FGD5: variants seen among roughly 807,000 people sequenced by gnomAD.
The protein encoded by FGD5 is FYVE, RhoGEF and PH domain-containing protein 5.
A neutral mutation model predicts 133.4 loss-of-function variants in FGD5; 28 were observed. The ratio of observed to expected loss-of-function variants is 0.21; its 90% CI spans 0.16 to 0.29. The LOEUF (loss-of-function observed/expected upper bound fraction) is 0.29. Ranked by LOEUF, FGD5 falls within the 10% of genes least tolerant of loss-of-function variation. The pLI is 1.00. For missense variants in FGD5, 1,858 were observed against 1,895.2 expected, an observed-to-expected ratio of 0.98 and a Z score of 0.36; for synonymous variants, 810 against 776.5, an observed-to-expected ratio of 1.04 and a Z score of -0.72.
chr3:14,840,638 A>G (rs934617920), intron 1 of FGD5, among the ~76,000 whole-genome samples: 1 of 152,186 alleles, frequency 6.6e-6, no homozygotes, highest in Non-Finnish European at 1.5e-5. Context: ...ATTGGTAGAT[A>G]TTGAGTTATT....
At chr3:14,892,819 CAAAAA>C (rs11297152) in intron 4 of FGD5, among the ~76,000 whole-genome samples, 2 of 146,834 alleles carry the variant, frequency 1.4e-5, no homozygotes, top group Non-Finnish European at 3.0e-5. Context: ...AAATCCATCT[CAAAAA>C]AAAAAAAGAA....
intron 2 of FGD5, among the ~76,000 whole-genome samples, chr3:14,878,412 T>G (rs938371539): frequency 6.6e-6 from 1 of 152,182 alleles, no homozygotes; most frequent in Admixed American, 6.5e-5. Flanking sequence ...CCTTACTCGA[T>G]TCTATAAATT....
intron 12 of FGD5, 86 bp from the exon 13 acceptor site, chr3:14,918,668 C>T: frequency 7.4e-7 from 1 of 1,345,442 alleles, no homozygotes; most frequent in Non-Finnish European, 1.1e-6. Flanking sequence ...GGACATGGTC[C>T]CTCTGTTCAT....
intron 1 of FGD5, among the ~76,000 whole-genome samples, chr3:14,840,723 T>C (rs952252045): frequency 2.0e-5 from 3 of 152,180 alleles, no homozygotes; most frequent in African/African-American, 7.2e-5. Context: ...TGAACATATC[T>C]GGAGGTAAAA....
At chr3:14,911,459 C>T (rs1269616855) in intron 11 of FGD5, among the ~76,000 whole-genome samples, 2 of 152,094 alleles carry the variant, frequency 1.3e-5, no homozygotes, top group Admixed American at 1.3e-4. Flanking sequence ...TCCAAGTGGC[C>T]ATGCCTTTTA....
intron 4 of FGD5, among the ~76,000 whole-genome samples, chr3:14,883,425 G>A (rs1314109678): frequency 6.6e-6 from 1 of 152,118 alleles, no homozygotes; most frequent in Non-Finnish European, 1.5e-5. Flanking sequence ...TAGCCAGCCA[G>A]CCTTTCACCC....
In FGD5 at chr3:14,922,508, C is replaced by A. The variant is rs1413190897; in HGVS notation, c.3767C>A (p.Ser1256Tyr). The A allele has an allele frequency of 2.5e-6, 4 of 1,582,896 alleles. No homozygotes were observed. In the East Asian group the frequency reaches 9.3e-5, roughly 37 times the overall value. Residue 1256 changes from serine (S) to tyrosine (Y), a missense_variant, in exon 15 of 20, where the codon TCC (serine) becomes TAC (tyrosine). Physicochemically the swap from Ser to Tyr is moderately radical, Grantham distance 144. Around this residue, in one of 3 missense-constraint regions of FGD5, gnomAD observed 1,824 missense variants for 1,848.9 expected, o/e 0.99. Coordinates refer to ENST00000285046, the MANE Select transcript of FGD5 (RefSeq NM_152536.4). The surrounding 1 kb of genome is among the most constrained non-coding windows in gnomAD (Gnocchi z 4.1). ...TGCATGAACTGCGGCTGCGACTTCT[C>A]CCTCACCCTGCGGCGTCATCACTGT... ...MMCMNCGCDFSLTLRRHHCHA... is the reference protein window; with the variant it reads ...MMCMNCGCDFYLTLRRHHCHA...
intron 2 of FGD5, among the ~76,000 whole-genome samples, chr3:14,874,900 C>G (rs1213230245): frequency 6.6e-6 from 1 of 152,202 alleles, no homozygotes; most frequent in Non-Finnish European, 1.5e-5. Context: ...CCTGGGGAAG[C>G]CAGGGGGCCA....
At chr3:14,846,406 G>A (rs745797324) in intron 1 of FGD5, among the ~76,000 whole-genome samples, 1 of 152,154 alleles carries the variant, frequency 6.6e-6, no homozygotes, top group South Asian at 2.1e-4. Context: ...TATTGTCGTG[G>A]TCTCTGTCCT....
At chr3:14,830,211 G>A (rs1384643390) in intron 1 of FGD5, among the ~76,000 whole-genome samples, 1 of 152,216 alleles carries the variant, frequency 6.6e-6, no homozygotes, top group Non-Finnish European at 1.5e-5. Flanking sequence ...ACCTAGAAAT[G>A]CCATGAAAAT....
At chr3:14,836,320 C>T (rs1265280831) in intron 1 of FGD5, among the ~76,000 whole-genome samples, 1 of 152,192 alleles carries the variant, frequency 6.6e-6, no homozygotes, top group Non-Finnish European at 1.5e-5. Flanking sequence ...TGGTTCAAGC[C>T]CAAGTTTGCT....
At chr3:14,838,983 A>G (rs1204456257) in intron 1 of FGD5, among the ~76,000 whole-genome samples, 2 of 152,206 alleles carry the variant, frequency 1.3e-5, no homozygotes, top group African/African-American at 4.8e-5. Flanking sequence ...AGGAATACAC[A>G]GTTGCACAGC....
At chr3:14,838,352 C>T (rs1048951874) in intron 1 of FGD5, among the ~76,000 whole-genome samples, 14 of 152,156 alleles carry the variant, frequency 9.2e-5, no homozygotes, top group African/African-American at 2.2e-4. Flanking sequence ...GTAATCTCCA[C>T]GTTATAACCT....
chr3:14,821,457 AGGGCTG>A lies in FGD5; in HGVS notation c.2388_2393del (p.Arg796_Gly798delinsSer). On this transcript the variant is annotated inframe_deletion, in exon 1 of 20. Transcript: ENST00000285046. ...CCAGATTCCACCCCGGAGACCTGCC[AGGGCTG>A]GCGCGTTCACGAAGCTGTTTGAAGA... 6.2e-7 allele frequency: 1 copy of A among 1,614,040 alleles called. No individual in the cohort carries two copies. The highest frequency in any genetic ancestry group is 8.5e-7 in the Non-Finnish European group (1 of 1,179,900).
chr3:14,901,128 C>T lies in FGD5; in HGVS notation c.3264+67C>T, dbSNP rs113965484. On this transcript the variant is annotated intron_variant, in intron 9 of 19. Transcript: ENST00000285046. ...CAGGCACCTCCCCACCAGCTCCGGT[C>T]AGCCTTCTGATGCCCCACTCCTAGG... 5.7e-5 allele frequency: 88 copies of T among 1,553,686 alleles called. No homozygotes were observed. In the African/African-American group the frequency reaches 7.3e-4, roughly 13 times the overall value.
chr3:14,932,494 C>T, intron 18 of FGD5, 83 bp from the exon 19 acceptor site: 2 of 1,476,844 alleles, frequency 1.4e-6, no homozygotes, highest in Non-Finnish European at 1.8e-6. Flanking sequence ...AGGCACTCTT[C>T]ACGCATCTCA....
Position 14,819,805 on chromosome 3 carries a change from A to T in FGD5, c.734A>T (p.Asp245Val). 6.3e-7 allele frequency: 1 copy of T among 1,587,176 alleles called. No individual in the cohort carries two copies. The highest frequency in any genetic ancestry group is 8.6e-7 in the Non-Finnish European group (1 of 1,166,908). Residue 245 changes from aspartate (D) to valine (V), a missense_variant, in exon 1 of 20, where the codon GAT (aspartate) becomes GTT (valine). Physicochemically the swap from Asp to Val is radical, Grantham distance 152. Coordinates refer to ENST00000285046, the MANE Select transcript of FGD5 (RefSeq NM_152536.4). This position sits in a 1 kb window ranked among gnomAD's most constrained non-coding sequence, Gnocchi z 4.1. The stretch of plus-strand genomic sequence containing the variant: ...AGGCCCACGGAGGACATGGGACAGG[A>T]TGCTGAGGACACCAGTGAGGAGCCC... ...PDRPTEDMGQ[D>V]AEDTSEEPPE...
In FGD5 at chr3:14,819,280, G is replaced by A; in HGVS notation, c.209G>A (p.Arg70Lys). Residue 70 changes from arginine (R) to lysine (K), a missense_variant, in exon 1 of 20, where the codon AGG becomes AAG. Arg to Lys is a conservative substitution (Grantham distance 26, BLOSUM62 2). Around this residue, in one of 3 missense-constraint regions of FGD5, gnomAD observed 1,824 missense variants for 1,848.9 expected, o/e 0.99. Transcript: ENST00000285046. This position sits in a 1 kb window ranked among gnomAD's most constrained non-coding sequence, Gnocchi z 4.1. ...ETDEDYIVVP[R>K]VPLREDEPKD... ...GACGAGGATTACATCGTGGTCCCCA[G>A]GGTTCCGCTGAGGGAGGATGAACCC... 2 of 1,531,448 alleles carry A rather than the reference G, an allele frequency of 1.3e-6. No homozygotes were observed. The highest frequency in any genetic ancestry group is 8.8e-7 in the Non-Finnish European group (1 of 1,136,578). The allele number at this position is 1,531,448 out of a possible 1,614,324, so 94.9% of individuals were successfully genotyped here. A position where few individuals can be genotyped will look rare whatever the true frequency, so the allele number is the denominator to read the frequency against.
chr3:14,927,021 G>A (rs1361073983), intron 18 of FGD5, among the ~76,000 whole-genome samples: 1 of 152,186 alleles, frequency 6.6e-6, no homozygotes. Context: ...CCTCTGGAAG[G>A]ACCTGCAACT....
Sources: gnomAD v4.1 joint callset for allele counts (sites outside exome capture counted in the v4.1 genomes callset) on GRCh38, gnomAD v4.1.1 for gene constraint, gnomAD v4.1.1 regional missense constraint, Gnocchi (gnomAD v3.1) non-coding constraint, MANE v1.5 for transcripts, NCBI Gene and HGNC (gene_info 2026-07-23, HGNC 2026-07-21) for gene names.